GPC6: variants seen among roughly 807,000 people sequenced by gnomAD.
The protein encoded by GPC6 is glypican-6.
GPC6 carries 14 observed loss-of-function variants against 55.2 expected under a neutral mutation model. The ratio of observed to expected loss-of-function variants is 0.25; its 90% CI spans 0.17 to 0.40. GPC6 has a LOEUF of 0.40. GPC6 is among the 10% of genes least tolerant of loss of function. The pLI is 1.00. For missense variants in GPC6, 641 were observed against 708.5 expected (o/e 0.90, Z 1.08); for synonymous variants, 278 against 259.6 (o/e 1.07, Z -0.68).
At chr13:93,980,318 A>G (rs1201439998) in intron 3 of GPC6, among the ~76,000 whole-genome samples, 1 of 152,140 alleles carries the variant, frequency 6.6e-6, no homozygotes, top group Non-Finnish European at 1.5e-5. Context: ...TGAACAAGGT[A>G]TTGATTAGTT....
At chr13:93,906,047 C>T (rs1047086175) in intron 3 of GPC6, among the ~76,000 whole-genome samples, 1 of 152,142 alleles carries the variant, frequency 6.6e-6, no homozygotes, top group Non-Finnish European at 1.5e-5. Flanking sequence ...CAAATTTGTT[C>T]ACTTCAACAG....
chr13:94,372,471 G>A (rs1398431389), intron 6 of GPC6, among the ~76,000 whole-genome samples: 2 of 152,146 alleles, frequency 1.3e-5, no homozygotes, highest in South Asian at 2.1e-4. Context: ...CTGGAAAATC[G>A]GGTCACTCCC....
intron 1 of GPC6, among the ~76,000 whole-genome samples, chr13:93,428,768 C>T (rs569905460): frequency 6.6e-6 from 1 of 152,250 alleles, no homozygotes; most frequent in African/African-American, 2.4e-5. Flanking sequence ...AGCATAAAAC[C>T]TCTTCTTCCC....
intron 4 of GPC6, among the ~76,000 whole-genome samples, chr13:94,046,221 A>G (rs1359197304): frequency 6.6e-6 from 1 of 152,034 alleles, no homozygotes; most frequent in Non-Finnish European, 1.5e-5. Flanking sequence ...TTAGAATTAC[A>G]TGTATAAAAT....
At chr13:93,672,668 T>TATAC (rs1555322652) in intron 2 of GPC6, among the ~76,000 whole-genome samples, 2 of 150,626 alleles carry the variant, frequency 1.3e-5, no homozygotes, top group Non-Finnish European at 3.0e-5. Context: ...CATATATATA[T>TATAC]ACACACACAA....
chr13:93,920,142 G>A (rs1403635328), intron 3 of GPC6, among the ~76,000 whole-genome samples: 2 of 151,880 alleles, frequency 1.3e-5, no homozygotes, highest in African/African-American at 4.8e-5. Context: ...TAGTTTTAAC[G>A]ACCCCCTAAT....
intron 3 of GPC6, among the ~76,000 whole-genome samples, chr13:93,954,109 C>T (rs1879387729): frequency 6.6e-6 from 1 of 152,136 alleles, no homozygotes; most frequent in African/African-American, 2.4e-5. Flanking sequence ...CTTTCTGTCT[C>T]TAAGCATGAC....
At chr13:94,225,610 C>T (rs1890528060) in intron 4 of GPC6, among the ~76,000 whole-genome samples, 1 of 151,338 alleles carries the variant, frequency 6.6e-6, no homozygotes, top group African/African-American at 2.4e-5. Context: ...AGAATATATA[C>T]TCTTTAGAGA....
chr13:93,349,339 AAAT>A (rs1163207748), intron 1 of GPC6, among the ~76,000 whole-genome samples: 2 of 152,116 alleles, frequency 1.3e-5, no homozygotes, highest in African/African-American at 4.8e-5. Context: ...ATCCTGTTTT[AAAT>A]AATAATGAGT....
At chr13:93,233,090 T>C (rs1374983126) in intron 1 of GPC6, among the ~76,000 whole-genome samples, 1 of 152,188 alleles carries the variant, frequency 6.6e-6, no homozygotes, top group Non-Finnish European at 1.5e-5. Context: ...TGTTAAATTC[T>C]TGAGCTGGTA....
intron 1 of GPC6, among the ~76,000 whole-genome samples, chr13:93,404,238 T>C (rs1339657065): frequency 6.6e-6 from 1 of 152,138 alleles, no homozygotes; most frequent in Non-Finnish European, 1.5e-5. Context: ...GTTCTGGGAT[T>C]TGATATATTT....
intron 2 of GPC6, among the ~76,000 whole-genome samples, chr13:93,621,239 C>G (rs1566453739): frequency 1.3e-5 from 2 of 152,132 alleles, no homozygotes; most frequent in African/African-American, 2.4e-5. Context: ...CTACCTGTTT[C>G]AATGTGGTGA....
intron 2 of GPC6, among the ~76,000 whole-genome samples, chr13:93,724,597 C>T (rs1191134140): frequency 6.6e-6 from 1 of 151,982 alleles, no homozygotes; most frequent in African/African-American, 2.4e-5. Context: ...TATCACCAGA[C>T]TTCAATTTAG....
intron 2 of GPC6, among the ~76,000 whole-genome samples, chr13:93,696,801 T>C: frequency 6.6e-6 from 1 of 152,052 alleles, no homozygotes; most frequent in African/African-American, 2.4e-5. Context: ...TTTTGTATTT[T>C]TAGGAGAGGC....
chr13:93,678,614 A>G (rs1475225555), intron 2 of GPC6, among the ~76,000 whole-genome samples: 1 of 152,160 alleles, frequency 6.6e-6, no homozygotes, highest in Non-Finnish European at 1.5e-5. Context: ...AGTCAGAGTT[A>G]GGAGCTCTTT....
chr13:93,341,542 C>G (rs1208297536), intron 1 of GPC6, among the ~76,000 whole-genome samples: 1 of 152,042 alleles, frequency 6.6e-6, no homozygotes, highest in Admixed American at 6.6e-5. Flanking sequence ...TGTGTACATC[C>G]TCTTTTGAGA....
chr13:94,269,176 C>T (rs549297667), intron 4 of GPC6, among the ~76,000 whole-genome samples: 2 of 152,278 alleles, frequency 1.3e-5, no homozygotes, highest in East Asian at 1.9e-4. Flanking sequence ...CTGAGCCACA[C>T]GTTCGCTTTT....
chr13:93,964,012 G>A (rs748844134), intron 3 of GPC6, among the ~76,000 whole-genome samples: 5 of 151,996 alleles, frequency 3.3e-5, no homozygotes, highest in Non-Finnish European at 5.9e-5. Flanking sequence ...CTTTGCAATC[G>A]AGATGCAACA....
intron 2 of GPC6, 139 bp from the exon 3 acceptor site, chr13:93,830,015 A>G (rs1566556824): frequency 1.7e-6 from 1 of 594,466 alleles, no homozygotes; most frequent in Non-Finnish European, 2.9e-6. Context: ...TATGTTTTTT[A>G]TCTGTCCATT....
Sources: gnomAD v4.1 joint callset for allele counts (sites outside exome capture counted in the v4.1 genomes callset) on GRCh38, gnomAD v4.1.1 for gene constraint, MANE v1.5 for transcripts, NCBI Gene and HGNC (gene_info 2026-07-23, HGNC 2026-07-21) for gene names.